Variants in RANBP2 observed in about 807,000 individuals in gnomAD.
The protein encoded by RANBP2 is RAN binding protein 2.
RANBP2 carries 57 observed loss-of-function variants against 303.6 expected under a neutral mutation model. The ratio of observed to expected loss-of-function variants is 0.19; its 90% CI spans 0.15 to 0.23. RANBP2 has a LOEUF of 0.23. RANBP2 is among the 10% of genes least tolerant of loss of function. RANBP2 has a pLI of 1.00. For synonymous variants in RANBP2, 1,167 were observed against 1,301.5 expected (o/e 0.90, Z 2.23); for missense variants, 3,138 against 3,780.8 (o/e 0.83, Z 4.46).
the RANBP2 span, among the ~76,000 whole-genome samples, chr2:109,637,817 C>G: frequency 6.6e-6 from 1 of 152,142 alleles, no homozygotes. Context: ...TAGATAGACA[C>G]AGTATCAGTC....
the RANBP2 span, among the ~76,000 whole-genome samples, chr2:108,833,219 G>T: frequency 6.6e-6 from 1 of 152,224 alleles, no homozygotes; most frequent in East Asian, 1.9e-4. Context: ...CTATACAACA[G>T]AGTGAATCCT....
chr2:109,007,201 T>C, the RANBP2 span, among the ~76,000 whole-genome samples: 1 of 152,196 alleles, frequency 6.6e-6, no homozygotes, highest in African/African-American at 2.4e-5. Flanking sequence ...GATTGGCAAA[T>C]ATGTGTTTTA....
chr2:109,564,625 C>G, the RANBP2 span: 1 of 1,118,630 alleles, frequency 8.9e-7, no homozygotes, highest in East Asian at 2.7e-5. Context: ...TAAATGAAAA[C>G]ATGTGAAACA....
At chr2:109,011,914 T>A in the RANBP2 span, among the ~76,000 whole-genome samples, 1 of 151,168 alleles carries the variant, frequency 6.6e-6, no homozygotes, top group East Asian at 2.0e-4. Flanking sequence ...TATGTGCATA[T>A]GTGTGTGTGT....
chr2:109,534,569 T>C, the RANBP2 span, among the ~76,000 whole-genome samples: 58 of 152,050 alleles, frequency 3.8e-4, no homozygotes, highest in Admixed American at 3.8e-3. Flanking sequence ...CACTTGAGGT[T>C]AGGAGTTCGA....
the RANBP2 span, among the ~76,000 whole-genome samples, chr2:109,390,243 A>T: frequency 6.6e-6 from 1 of 152,108 alleles, no homozygotes; most frequent in Non-Finnish European, 1.5e-5. Flanking sequence ...TTTGCCCATA[A>T]ACTACCAGTT....
chr2:108,762,032 T>A (rs1676767367), intron 18 of RANBP2, 69 bp from the exon 19 acceptor site: 1 of 1,584,590 alleles, frequency 6.3e-7, no homozygotes, highest in East Asian at 2.2e-5. Context: ...TTATAGCTCT[T>A]GCCTAGATAG....
At chr2:109,699,373 G>A in the RANBP2 span, among the ~76,000 whole-genome samples, 1 of 152,182 alleles carries the variant, frequency 6.6e-6, no homozygotes, top group East Asian at 1.9e-4. Context: ...CCGCCTCCCT[G>A]TGCAGTCAAA....
chr2:109,340,918 T>C, the RANBP2 span, among the ~76,000 whole-genome samples: 2 of 151,908 alleles, frequency 1.3e-5, no homozygotes, highest in Admixed American at 6.6e-5. Flanking sequence ...AAAAAAAAAA[T>C]TTGCTTTTAA....
chr2:108,886,819 A>C, the RANBP2 span, among the ~76,000 whole-genome samples: 1 of 152,170 alleles, frequency 6.6e-6, no homozygotes, highest in Non-Finnish European at 1.5e-5. Context: ...AATAGTTTGC[A>C]GATATTTTCT....
the RANBP2 span, among the ~76,000 whole-genome samples, chr2:109,389,593 GGTGCATGCCACTCT>G: frequency 6.6e-6 from 1 of 152,026 alleles, no homozygotes; most frequent in Non-Finnish European, 1.5e-5. Flanking sequence ...TCCAAGGTAG[GGTGCATGCCACTCT>G]GTGCAAAGAA....
chr2:109,096,028 T>C, the RANBP2 span, among the ~76,000 whole-genome samples: 13 of 152,084 alleles, frequency 8.5e-5, no homozygotes, highest in African/African-American at 2.9e-4. Flanking sequence ...AGAGTAAAGG[T>C]TTTTCTTTTT....
At chr2:109,128,900 C>G in the RANBP2 span, 1 of 329,898 alleles carries the variant, frequency 3.0e-6, no homozygotes, top group Non-Finnish European at 6.2e-6. Context: ...CCGGCTTGCG[C>G]CCAAGCGAAG....
At chr2:108,861,580 A>G in the RANBP2 span, among the ~76,000 whole-genome samples, 124 of 148,714 alleles carry the variant, frequency 8.3e-4, no homozygotes, top group African/African-American at 3.0e-3. Flanking sequence ...TCCTGGGTTC[A>G]AGCGATTCTT....
At chr2:109,007,275 C>T in the RANBP2 span, among the ~76,000 whole-genome samples, 3 of 152,354 alleles carry the variant, frequency 2.0e-5, no homozygotes, top group Admixed American at 1.3e-4. Context: ...TTTGATCAAA[C>T]CACCAGCTAG....
chr2:108,804,996 CT>C, the RANBP2 span: 1 of 1,525,838 alleles, frequency 6.6e-7, no homozygotes, highest in South Asian at 1.3e-5. Flanking sequence ...TGAATGATAC[CT>C]TAAAAAAACA....
the RANBP2 span, chr2:108,911,200 G>C: frequency 1.7e-6 from 2 of 1,194,596 alleles, no homozygotes; most frequent in South Asian, 2.6e-5. Flanking sequence ...TGAAATCTGA[G>C]GTGCTTGCTT....
chr2:109,440,615 C>G, the RANBP2 span, among the ~76,000 whole-genome samples: 1 of 152,186 alleles, frequency 6.6e-6, no homozygotes, highest in Non-Finnish European at 1.5e-5. Flanking sequence ...CAACAGTTTT[C>G]AAGACACCAG....
At chr2:109,128,486 G>C in the RANBP2 span, 1 of 152,180 alleles carries the variant, frequency 6.6e-6, no homozygotes, top group Non-Finnish European at 1.5e-5. Context: ...CCAAGGCTGC[G>C]CCGGGAGGAG....
Sources: allele counts gnomAD v4.1 joint callset (sites outside exome capture counted in the v4.1 genomes callset), GRCh38; gene constraint gnomAD v4.1.1; transcripts MANE v1.5; gene names NCBI Gene and HGNC (gene_info 2026-07-23, HGNC 2026-07-21).